Variants in IGSF8 observed in about 807,000 individuals in gnomAD.
IGSF8 encodes the protein CD81 partner 3.
In IGSF8, 46 loss-of-function variants were observed where a neutral mutation model predicts 55.5. The observed-to-expected ratio is 0.83, with a 90% CI of 0.65 to 1.06. The LOEUF (loss-of-function observed/expected upper bound fraction) is 1.06. Ranked by LOEUF, IGSF8 falls within the 50% of genes least tolerant of loss-of-function variation. IGSF8 has a pLI of 0.00. For missense variants in IGSF8, 731 were observed against 832.3 expected (o/e 0.88, Z 1.50); for synonymous variants, 314 against 356.1 (o/e 0.88, Z 1.33).
Position 160,091,897 on chromosome 1 carries a change from C to T in IGSF8, c.1768G>A (p.Val590Met). The T allele has an allele frequency of 6.2e-7, 1 of 1,613,928 alleles. No homozygotes were observed. Among genetic ancestry groups the T allele is most frequent in the South Asian group, 1.1e-5 (1 of 91,070 alleles). ...ACAGTGGCACCAGTGACTAGGGCCA[C>T]CCCTGTACCCACCAGCAGAGGCACA... The part of the protein sequence containing the change: ...LFVPLLVGTG[V>M]ALVTGATVLG... The change falls in exon 6 of 7, where the codon GTG becomes ATG. Residue 590 changes from valine (V) to methionine (M), a missense_variant. By Grantham distance (21) the Val-to-Met change is conservative. Coordinates refer to ENST00000314485, the MANE Select transcript of IGSF8 (RefSeq NM_052868.6).
chr1:160,095,174 G>A lies in IGSF8; in HGVS notation c.137C>T (p.Ser46Phe). ...ATAGCCGGTCACATTGCAGGAGATG[G>A]AGACAGCTGTGCCAGCCACGCGGTA... ...PLYRVAGTAV[S>F]ISCNVTGYEG... Residue 46 changes from serine (S) to phenylalanine (F), a missense_variant, in exon 2 of 7, where the codon TCC (serine) becomes TTC (phenylalanine). By Grantham distance (155) the Ser-to-Phe change is radical. Coordinates refer to ENST00000314485, the MANE Select transcript of IGSF8 (RefSeq NM_052868.6). 1 of 1,612,308 alleles carries A rather than the reference G, an allele frequency of 6.2e-7. No homozygotes were observed. Among genetic ancestry groups the A allele is most frequent in the Non-Finnish European group, 8.5e-7 (1 of 1,180,024 alleles).
rs1279363845 is a variant in IGSF8, at chr1:160,094,381, C to A, written c.443-210G>T. Among the ~76,000 whole-genome samples, 2 of 152,216 alleles carry A rather than the reference C, an allele frequency of 1.3e-5. No individual in the cohort carries two copies. Among genetic ancestry groups the A allele is most frequent in the African/African-American group, 2.4e-5 (1 of 41,458 alleles). ...AAATACTTGTAGAATTTCATAGAACCAGCCCATCGCCTACTCACCCTTATG... is the reference window on the plus strand; with the variant it reads ...AAATACTTGTAGAATTTCATAGAACAAGCCCATCGCCTACTCACCCTTATG... On this transcript the variant is annotated intron_variant, in intron 2 of 6. Coordinates refer to ENST00000314485, the MANE Select transcript of IGSF8 (RefSeq NM_052868.6). The surrounding 1 kb of genome is among the most constrained non-coding windows in gnomAD (Gnocchi z 4.0).
upstream of IGSF8, chr1:160,098,721 T>C (rs1254317209): frequency 2.6e-6 from 1 of 378,398 alleles, no homozygotes; most frequent in African/African-American, 4.3e-5. Flanking sequence ...CACCGCCCCG[T>C]CTAGGCCCGC....
At chr1:160,096,726 C>G (rs1650460325) in intron 1 of IGSF8, among the ~76,000 whole-genome samples, 1 of 152,162 alleles carries the variant, frequency 6.6e-6, no homozygotes, top group Non-Finnish European at 1.5e-5. Context: ...GATCCAGTCT[C>G]TTTCTGTCCT....
In IGSF8 at chr1:160,092,300, CTG is replaced by C; in HGVS notation, c.1706_1707del (p.Thr569SerfsTer118). The C allele has an allele frequency of 6.2e-7, 1 of 1,614,092 alleles. No individual in the cohort carries two copies. Among genetic ancestry groups the C allele is most frequent in the Non-Finnish European group, 8.5e-7 (1 of 1,179,946 alleles). ...CACTCACCATGCATGTAGGGGTAGACTGTAACAGGCCCTGAGCGGGCACTGCC... is the reference window on the plus strand; with the variant it reads ...CACTCACCATGCATGTAGGGGTAGACTAACAGGCCCTGAGCGGGCACTGCC... ...QAGSARSGPV[T>X]VYPYMHALDT... On this transcript the variant is annotated frameshift_variant, in exon 5 of 7. Transcript: ENST00000314485. LOFTEE classifies it high-confidence loss of function.
Position 160,091,636 on chromosome 1 carries a change from G to C in IGSF8, c.*16-28C>G, listed in dbSNP as rs567486441. The C allele has an allele frequency of 1.6e-3, 984 of 608,650 alleles. 2 individuals carry two copies. The highest frequency in any genetic ancestry group is 2.2e-3 in the Non-Finnish European group (751 of 334,770). 37.7% of individuals were successfully genotyped at this position (608,650 alleles called of 1,614,324 possible). Reference sequence around the variant, plus strand: ...GAAAAGGGTGCCCGGTGTGGGCTAAGGACAGAGAGCCCTGAGTGGGGCTCC... The same window carrying C: ...GAAAAGGGTGCCCGGTGTGGGCTAACGACAGAGAGCCCTGAGTGGGGCTCC... On this transcript the variant is annotated intron_variant, in intron 6 of 6. Coordinates refer to ENST00000314485, the MANE Select transcript of IGSF8 (RefSeq NM_052868.6).
At position 160,092,628 on chromosome 1, in the gene IGSF8, CAGGGAG is replaced by C; in HGVS notation, c.1374_1379del (p.Ser459_Leu460del). On this transcript the variant is annotated inframe_deletion, in exon 5 of 7. Transcript: ENST00000314485. ...CACCCCGCACAGAGATGTTGCACAG[CAGGGAG>C]GCAGTCTCCCCGCGGTACACTGTGC... The C allele has an allele frequency of 6.2e-7, 1 of 1,604,362 alleles. No homozygotes were observed. The highest frequency in any genetic ancestry group is 1.1e-5 in the South Asian group (1 of 91,086).
At position 160,094,718 on chromosome 1, in the gene IGSF8, T is replaced by A. The variant is rs1650293317; in HGVS notation, c.442+151A>T. The A allele has an allele frequency of 1.2e-6, 1 of 815,060 alleles. No individual in the cohort carries two copies. The highest frequency in any genetic ancestry group is 1.9e-5 in the South Asian group (1 of 51,292). 50.5% of individuals were successfully genotyped at this position (815,060 alleles called of 1,614,324 possible). A position where few individuals can be genotyped will look rare whatever the true frequency, so the allele number is the denominator to read the frequency against. On this transcript the variant is annotated intron_variant, in intron 2 of 6. Coordinates refer to ENST00000314485, the MANE Select transcript of IGSF8 (RefSeq NM_052868.6). The surrounding 1 kb of genome is among the most constrained non-coding windows in gnomAD (Gnocchi z 4.0). ...TTTGAGTCCCACATCAGCCACTGAG[T>A]TATTGGGTGACTTTGTGCAAATCAC...
At chr1:160,095,456 C>T (rs1650368442) in intron 1 of IGSF8, 1 of 599,238 alleles carries the variant, frequency 1.7e-6, no homozygotes, top group Non-Finnish European at 2.9e-6. Context: ...CCCAGGATTG[C>T]CTTGGCATCC....
upstream of IGSF8, chr1:160,098,783 G>A (rs1179002235): frequency 2.1e-5 from 5 of 241,562 alleles, no homozygotes; most frequent in South Asian, 7.9e-5. Flanking sequence ...GCCAGACTCC[G>A]GCCTTTGCTC....
intron 1 of IGSF8, among the ~76,000 whole-genome samples, chr1:160,096,420 C>A (rs1650439356): frequency 6.6e-6 from 1 of 152,248 alleles, no homozygotes; most frequent in African/African-American, 2.4e-5. Flanking sequence ...CAAGGCCAGG[C>A]CTGAAGGGAC....
chr1:160,096,885 G>A (rs570046129), intron 1 of IGSF8, among the ~76,000 whole-genome samples: 2 of 152,294 alleles, frequency 1.3e-5, no homozygotes, highest in East Asian at 1.9e-4. Flanking sequence ...CACCTTCCCT[G>A]ACTGCCTCAG....
At position 160,094,756 on chromosome 1, in the gene IGSF8, G is replaced by A; in HGVS notation, c.442+113C>T. On this transcript the variant is annotated intron_variant, in intron 2 of 6. Transcript: ENST00000314485. The surrounding 1 kb of genome is among the most constrained non-coding windows in gnomAD (Gnocchi z 4.0). ...TTGTGCAAATCACTTAACCTCTTTG[G>A]GCCTCAAGTTCCTTGGCTACAAAAC... The A allele has an allele frequency of 1.7e-6, 2 of 1,166,480 alleles. No individual in the cohort carries two copies. Among genetic ancestry groups the A allele is most frequent in the Non-Finnish European group, 1.2e-6 (1 of 834,410 alleles). 72.3% of individuals were successfully genotyped at this position (1,166,480 alleles called of 1,614,324 possible).
chr1:160,098,626 C>A, upstream of IGSF8: 1 of 560,254 alleles, frequency 1.8e-6, no homozygotes, highest in South Asian at 2.2e-5. Flanking sequence ...GAATCCCCTC[C>A]CTCCGCCCCT....
At chr1:160,092,134 G>C in intron 5 of IGSF8, 148 bp downstream of exon 5, 1 of 978,266 alleles carries the variant, frequency 1.0e-6, no homozygotes, top group Non-Finnish European at 1.6e-6. Flanking sequence ...GGGCACTGCA[G>C]GGCTGGAAGT....
intron 1 of IGSF8, among the ~76,000 whole-genome samples, chr1:160,096,211 TC>T (rs1414303557): frequency 6.6e-6 from 1 of 151,918 alleles, no homozygotes; most frequent in Non-Finnish European, 1.5e-5. Context: ...CTTCTTTCCT[TC>T]CATAGCTCCC....
intron 4 of IGSF8, 22 bp downstream of exon 4, chr1:160,092,902 C>G: frequency 4.4e-6 from 7 of 1,579,266 alleles, no homozygotes; most frequent in Non-Finnish European, 6.1e-6. Context: ...CGAACCCCGT[C>G]CAGGGCCCAG....
chr1:160,092,403 C>T lies in IGSF8; in HGVS notation c.1605G>A (p.Gly535=), dbSNP rs1444622638. ...RSHRLRLHSL[G]PEDEGVYHCA... Reference sequence around the variant, plus strand: ...AGTGGTACACGCCTTCATCCTCGGGCCCCAAGCTGTGTAGTCTCAGCCGAT... The same window carrying T: ...AGTGGTACACGCCTTCATCCTCGGGTCCCAAGCTGTGTAGTCTCAGCCGAT... Residue 535 remains glycine, a synonymous_variant, in exon 5 of 7, where the codon GGG becomes GGA. Coordinates refer to ENST00000314485, the MANE Select transcript of IGSF8 (RefSeq NM_052868.6). The T allele has an allele frequency of 6.2e-7, 1 of 1,609,630 alleles. No homozygotes were observed. Among genetic ancestry groups the T allele is most frequent in the East Asian group, 2.2e-5 (1 of 44,706 alleles).
chr1:160,098,409 C>G lies in IGSF8; in HGVS notation c.64G>C (p.Gly22Arg), dbSNP rs1650597961. Residue 22 changes from glycine to arginine, a missense_variant and splice_region_variant, in exon 1 of 7, where the codon GGA becomes CGA. Coordinates refer to ENST00000314485, the MANE Select transcript of IGSF8 (RefSeq NM_052868.6). ...GAACCGGAACGGGGGCCTGGCTTAC[C>G]TAGCATTAGCAGCAGCAGCAGCGGC... Reference protein sequence around the residue: ...SLPLLLLLMLGMGCWAREVLV... With the variant: ...SLPLLLLLMLRMGCWAREVLV... 1.3e-6 allele frequency: 2 copies of G among 1,551,158 alleles called. No homozygotes were observed. Among genetic ancestry groups the G allele is most frequent in the Non-Finnish European group, 1.7e-6 (2 of 1,146,938 alleles).
Sources: allele counts gnomAD v4.1 joint callset (sites outside exome capture counted in the v4.1 genomes callset), GRCh38; gene constraint gnomAD v4.1.1; non-coding constraint Gnocchi (gnomAD v3.1); transcripts MANE v1.5; gene names NCBI Gene and HGNC (gene_info 2026-07-23, HGNC 2026-07-21).